The following SYNPR variants were observed in gnomAD, a reference collection of about 807,000 sequenced individuals.
The protein encoded by SYNPR is synaptoporin.
SYNPR carries 23 observed loss-of-function variants against 32.9 expected under a neutral mutation model. That is an observed-to-expected ratio of 0.70 (90% CI 0.50 to 0.99). The LOEUF (loss-of-function observed/expected upper bound fraction) is 0.99. SYNPR is among the 50% of genes least tolerant of loss of function. The pLI, the probability that SYNPR is intolerant of heterozygous loss-of-function variation, is 0.00. For missense variants in SYNPR, 318 were observed against 349.3 expected (o/e 0.91, Z 0.71); for synonymous variants, 146 against 135.9 (o/e 1.07, Z -0.52).
intron 4 of SYNPR, among the ~76,000 whole-genome samples, chr3:63,577,461 T>G (rs1345854589): frequency 6.6e-6 from 1 of 151,982 alleles, no homozygotes; most frequent in Non-Finnish European, 1.5e-5. Flanking sequence ...CAGAGCAACT[T>G]GGGAACTGTT....
rs143548837 is a variant in SYNPR at position 63,581,232 on chromosome 3, T to C, written c.408+24491T>C. Among the ~76,000 whole-genome samples the C allele has an allele frequency of 2.5e-3, 375 of 152,236 alleles. 4 individuals carry two copies. The highest frequency in any genetic ancestry group is 8.6e-3 in the African/African-American group (358 of 41,554). The stretch of plus-strand genomic sequence containing the variant: ...ACCAGTCTCTGTTCCAAAGCGATAC[T>C]TCATAAACTGCATCAAGGGAGCACT... On this transcript the variant is annotated intron_variant, in intron 4 of 5. Transcript: ENST00000478300.
At chr3:63,480,993 G>T (rs1165968499) in intron 3 of SYNPR, 37 bp downstream of exon 3, 6 of 1,591,734 alleles carry the variant, frequency 3.8e-6, no homozygotes, top group Admixed American at 1.7e-5. Flanking sequence ...AGCCTCACAG[G>T]GGGTTATTTC....
intron 3 of SYNPR, among the ~76,000 whole-genome samples, chr3:63,509,533 T>C (rs1701656007): frequency 6.6e-6 from 1 of 151,906 alleles, no homozygotes; most frequent in African/African-American, 2.4e-5. Flanking sequence ...ATATACAGCG[T>C]ACACACATTG....
chr3:63,527,236 G>A (rs373303906), intron 3 of SYNPR, among the ~76,000 whole-genome samples: 2 of 152,198 alleles, frequency 1.3e-5, no homozygotes, highest in African/African-American at 4.8e-5. Context: ...GAAAATTTAT[G>A]TAACACTTTC....
At chr3:63,258,388 G>A (rs189845259) in intron 2 of SYNPR, among the ~76,000 whole-genome samples, 2,729 of 152,122 alleles carry the variant, frequency 0.018, 86 homozygotes, top group African/African-American at 0.062. Context: ...ACCACAGTGC[G>A]ATCAAACTAG....
intron 2 of SYNPR, among the ~76,000 whole-genome samples, chr3:63,262,989 TG>T (rs1670069344): frequency 6.6e-6 from 1 of 152,182 alleles, no homozygotes. Flanking sequence ...ATGCTTACAG[TG>T]GCCAGACAAT....
chr3:63,480,071 C>T (rs1026697013), intron 2 of SYNPR, among the ~76,000 whole-genome samples: 1 of 152,194 alleles, frequency 6.6e-6, no homozygotes, highest in Non-Finnish European at 1.5e-5. Flanking sequence ...CTTATGTCCC[C>T]TCTTAGGCCA....
At chr3:63,323,204 AC>A (rs2087129387) in intron 2 of SYNPR, among the ~76,000 whole-genome samples, 1 of 152,114 alleles carries the variant, frequency 6.6e-6, no homozygotes, top group African/African-American at 2.4e-5. Flanking sequence ...TTTTGAGTCA[AC>A]AATCCTTTCT....
intron 4 of SYNPR, among the ~76,000 whole-genome samples, chr3:63,589,645 T>C (rs963398304): frequency 2.0e-4 from 30 of 151,176 alleles, no homozygotes; most frequent in Non-Finnish European, 3.4e-4. Context: ...GCAAGGCTGG[T>C]TCAATATACA....
At chr3:63,442,386 A>G (rs1489730691) in intron 2 of SYNPR, among the ~76,000 whole-genome samples, 1 of 152,170 alleles carries the variant, frequency 6.6e-6, no homozygotes, top group African/African-American at 2.4e-5. Flanking sequence ...TGGGGACCCA[A>G]AGTAGGGGGC....
chr3:63,352,895 C>G (rs1575607427), intron 2 of SYNPR, among the ~76,000 whole-genome samples: 1 of 152,130 alleles, frequency 6.6e-6, no homozygotes, highest in Non-Finnish European at 1.5e-5. Flanking sequence ...GAAAGACCTG[C>G]CCCCATGATT....
chr3:63,204,689 T>C, the SYNPR span, among the ~76,000 whole-genome samples: 1 of 152,058 alleles, frequency 6.6e-6, no homozygotes, highest in Non-Finnish European at 1.5e-5. Flanking sequence ...GAGTGATTTT[T>C]TTTTTCTTTT....
intron 2 of SYNPR, among the ~76,000 whole-genome samples, chr3:63,292,449 C>T (rs1204314512): frequency 2.0e-5 from 3 of 152,028 alleles, no homozygotes; most frequent in South Asian, 2.1e-4. Context: ...TTAAAAAATG[C>T]CTGATTTTAT....
At chr3:63,465,838 A>G (rs1700667938) in intron 2 of SYNPR, among the ~76,000 whole-genome samples, 1 of 152,184 alleles carries the variant, frequency 6.6e-6, no homozygotes, top group South Asian at 2.1e-4. Flanking sequence ...TTTATAGTTT[A>G]TTGAATCTAA....
At chr3:63,322,609 C>T (rs192421449) in intron 2 of SYNPR, among the ~76,000 whole-genome samples, 1 of 152,178 alleles carries the variant, frequency 6.6e-6, no homozygotes, top group Non-Finnish European at 1.5e-5. Context: ...CTTTAATGCT[C>T]ACAATGATTC....
intron 1 of SYNPR, among the ~76,000 whole-genome samples, chr3:63,244,027 C>T (rs1009075521): frequency 6.6e-6 from 1 of 152,098 alleles, no homozygotes; most frequent in Admixed American, 6.6e-5. Context: ...GACTTGCTTA[C>T]AAAGGTAATA....
chr3:63,598,236 A>G (rs914712576), intron 4 of SYNPR, among the ~76,000 whole-genome samples: 1 of 152,238 alleles, frequency 6.6e-6, no homozygotes, highest in Non-Finnish European at 1.5e-5. Flanking sequence ...ACTATTAGAA[A>G]GAGATGGAGA....
chr3:63,399,993 A>T (rs2088267468), intron 2 of SYNPR, among the ~76,000 whole-genome samples: 1 of 152,194 alleles, frequency 6.6e-6, no homozygotes, highest in South Asian at 2.1e-4. Context: ...TGGAAATGAG[A>T]GTCAAATGAA....
chr3:63,277,103 C>T (rs922685784), upstream of SYNPR, among the ~76,000 whole-genome samples: 9 of 152,112 alleles, frequency 5.9e-5, no homozygotes, highest in Non-Finnish European at 1.2e-4. Flanking sequence ...TCTTCCTCCT[C>T]TTCCTTTTTT....
Sources: allele counts gnomAD v4.1 joint callset (sites outside exome capture counted in the v4.1 genomes callset), GRCh38; gene constraint gnomAD v4.1.1; transcripts MANE v1.5; gene names NCBI Gene and HGNC (gene_info 2026-07-23, HGNC 2026-07-21).